The following SOX5 variants were observed in gnomAD, a reference collection of about 807,000 sequenced individuals.
SOX5 encodes transcription factor SOX-5.
Under a neutral mutation model 92.0 loss-of-function variants are expected in SOX5, and 9 were observed. The observed-to-expected ratio is 0.10, with a 90% CI of 0.06 to 0.17. SOX5 has a LOEUF of 0.17. Among genes scored for constraint, SOX5 ranks in the 10% least tolerant of loss-of-function variants. The probability of loss-of-function intolerance (pLI) is 1.00; values close to 1 mark genes in which losing one functional copy is unlikely to be tolerated. For missense variants in SOX5, 642 were observed against 944.5 expected, an observed-to-expected ratio of 0.68 and a Z score of 4.20; for synonymous variants, 344 against 336.3, an observed-to-expected ratio of 1.02 and a Z score of -0.25.
rs376926638 is a variant in SOX5, at chr12:24,554,936, C to G, written c.-251+7393G>C. ...TACTGCAATGCCACCAGCTCCTCTA[C>G]AGTTTCTTTTAATTTAAAGTTACAA... On this transcript the variant is annotated intron_variant, in intron 1 of 4. Transcript: ENST00000446891. Among the ~76,000 whole-genome samples the G allele has an allele frequency of 8.1e-4, 124 of 152,312 alleles. 1 individual carries two copies. Among genetic ancestry groups the G allele is most frequent in the African/African-American group, 2.8e-3 (118 of 41,566 alleles).
intron 2 of SOX5, among the ~76,000 whole-genome samples, chr12:24,325,155 T>TA (rs938025227): frequency 9.2e-4 from 135 of 146,278 alleles, no homozygotes; most frequent in South Asian, 4.4e-3. Context: ...AAAAATAAGT[T>TA]AAAAAAAAAA....
intron 6 of SOX5, among the ~76,000 whole-genome samples, chr12:23,696,571 T>C (rs192173829): frequency 2.0e-5 from 3 of 152,178 alleles, no homozygotes; most frequent in Non-Finnish European, 2.9e-5. Context: ...AACTTTTCAA[T>C]ACACTTTTTT....
intron 1 of SOX5, among the ~76,000 whole-genome samples, chr12:24,379,149 T>C (rs1455897734): frequency 1.3e-5 from 2 of 152,192 alleles, no homozygotes; most frequent in South Asian, 2.1e-4. Flanking sequence ...GACAGGAAAT[T>C]AGCTGAAAGT....
chr12:23,984,579 G>C (rs997575631), intron 4 of SOX5, among the ~76,000 whole-genome samples: 2 of 152,190 alleles, frequency 1.3e-5, no homozygotes, highest in Admixed American at 1.3e-4. Context: ...TGAATATAGT[G>C]AAGTAGTGAA....
intron 4 of SOX5, among the ~76,000 whole-genome samples, chr12:24,145,418 G>A (rs562347893): frequency 6.6e-6 from 1 of 152,036 alleles, no homozygotes; most frequent in East Asian, 1.9e-4. Flanking sequence ...ATCTAACTAC[G>A]TGCACTTGAC....
At chr12:24,198,296 A>G (rs897939128) in intron 4 of SOX5, among the ~76,000 whole-genome samples, 11 of 152,170 alleles carry the variant, frequency 7.2e-5, no homozygotes, top group Admixed American at 6.5e-5. Flanking sequence ...AATTTATAGC[A>G]TTCTTTTCCA....
intron 9 of SOX5, among the ~76,000 whole-genome samples, chr12:23,580,006 G>C (rs1312396667): frequency 1.3e-5 from 2 of 152,074 alleles, no homozygotes; most frequent in East Asian, 3.9e-4. Context: ...TTAGTTATCT[G>C]CCTAGTAGCT....
chr12:24,115,086 C>T (rs1182058208), intron 4 of SOX5, among the ~76,000 whole-genome samples: 5 of 151,902 alleles, frequency 3.3e-5, no homozygotes, highest in African/African-American at 1.2e-4. Context: ...AAGAGAAGAG[C>T]TATAAAGAAT....
intron 2 of SOX5, among the ~76,000 whole-genome samples, chr12:23,865,051 T>C (rs1225574514): frequency 6.6e-6 from 1 of 152,222 alleles, no homozygotes; most frequent in African/African-American, 2.4e-5. Context: ...GAAGCCAATG[T>C]TTATTTACCA....
At chr12:24,051,102 G>GGAAA (rs764062481) in intron 4 of SOX5, among the ~76,000 whole-genome samples, 1 of 152,088 alleles carries the variant, frequency 6.6e-6, no homozygotes, top group Non-Finnish European at 1.5e-5. Flanking sequence ...ACAGAGAGAT[G>GGAAA]GAAAGCCTGA....
intron 4 of SOX5, among the ~76,000 whole-genome samples, chr12:23,973,552 C>G (rs965894115): frequency 2.6e-5 from 4 of 152,110 alleles, no homozygotes; most frequent in African/African-American, 9.7e-5. Flanking sequence ...GAATTTCCAT[C>G]TTTTTAAAGG....
intron 4 of SOX5, among the ~76,000 whole-genome samples, chr12:24,070,242 C>T (rs571630833): frequency 2.6e-5 from 4 of 152,262 alleles, no homozygotes; most frequent in Admixed American, 1.3e-4. Flanking sequence ...CCATTTCCAC[C>T]CCTTCCTACA....
At chr12:23,758,008 C>CAAAAAAAAAAAAAAAAAAA (rs34841595) in intron 3 of SOX5, among the ~76,000 whole-genome samples, 1 of 68,218 alleles carries the variant, frequency 1.5e-5, no homozygotes, top group African/African-American at 6.9e-5. Context: ...GCACACACTA[C>CAAAAAAAAAAAAAAAAAAA]AAAAAAAAAA....
chr12:23,995,990 C>A (rs1016969905), intron 4 of SOX5, among the ~76,000 whole-genome samples: 2 of 152,146 alleles, frequency 1.3e-5, no homozygotes, highest in Non-Finnish European at 2.9e-5. Context: ...GATATATAGA[C>A]AAAATCATTT....
At chr12:23,664,322 C>CACAT (rs2083472652) in intron 7 of SOX5, among the ~76,000 whole-genome samples, 1 of 149,996 alleles carries the variant, frequency 6.7e-6, no homozygotes, top group Non-Finnish European at 1.5e-5. Context: ...AATTCATTAA[C>CACAT]ATATATATAT....
At chr12:24,474,537 T>C (rs1332991823) in intron 1 of SOX5, among the ~76,000 whole-genome samples, 1 of 152,132 alleles carries the variant, frequency 6.6e-6, no homozygotes, top group Non-Finnish European at 1.5e-5. Context: ...ACTTTTTTTG[T>C]TTGTTCGTTT....
Position 24,147,097 on chromosome 12 carries a change from G to A in SOX5, c.-2+66246C>T, listed in dbSNP as rs192113434. Reference sequence around the variant, plus strand: ...TTTCTACACAAATTCTTTCACAAAGGTGAAAAGGAGGAAATGCTTCTCAAG... The same window carrying A: ...TTTCTACACAAATTCTTTCACAAAGATGAAAAGGAGGAAATGCTTCTCAAG... On this transcript the variant is annotated intron_variant, in intron 4 of 4. Transcript: ENST00000446891. Among the ~76,000 whole-genome samples the A allele has an allele frequency of 2.6e-3, 400 of 152,198 alleles. 1 individual carries two copies. Among genetic ancestry groups the A allele is most frequent in the Non-Finnish European group, 4.5e-3 (305 of 67,978 alleles).
chr12:23,613,533 G>A (rs1436370285), intron 8 of SOX5, among the ~76,000 whole-genome samples: 1 of 152,110 alleles, frequency 6.6e-6, no homozygotes, highest in Non-Finnish European at 1.5e-5. Context: ...AGAATTGAAA[G>A]CAGGATCTCA....
At chr12:24,477,601 T>C (rs1241257980) in intron 1 of SOX5, among the ~76,000 whole-genome samples, 3 of 152,164 alleles carry the variant, frequency 2.0e-5, no homozygotes, top group African/African-American at 7.2e-5. Context: ...TTCTCAGTAC[T>C]GTAGAATAAT....
Sources: allele counts gnomAD v4.1 joint callset (sites outside exome capture counted in the v4.1 genomes callset), GRCh38; gene constraint gnomAD v4.1.1; transcripts MANE v1.5; gene names NCBI Gene and HGNC (gene_info 2026-07-23, HGNC 2026-07-21).